Variants in PAPPA observed in about 807,000 individuals in gnomAD.
PAPPA encodes pappalysin 1.
PAPPA carries 60 observed loss-of-function variants against 164.0 expected under a neutral mutation model. That is an observed-to-expected ratio of 0.37 (90% confidence interval 0.30 to 0.45). The LOEUF is 0.45. Ranked by LOEUF, PAPPA falls within the 20% of genes least tolerant of loss-of-function variation. PAPPA has a pLI of 1.00. For synonymous variants in PAPPA, 875 were observed against 814.1 expected, an observed-to-expected ratio of 1.07 and a Z score of -1.27; for missense variants, 1,782 against 2,087.3, an observed-to-expected ratio of 0.85 and a Z score of 2.85.
intron 7 of PAPPA, among the ~76,000 whole-genome samples, chr9:116,243,707 AG>A (rs1018111799): frequency 3.6e-4 from 55 of 152,270 alleles, no homozygotes; most frequent in Admixed American, 3.1e-3. Context: ...CACCAAAGAG[AG>A]GAGAAAGCAA....
At chr9:116,183,460 G>T (rs1005551086) in intron 1 of PAPPA, among the ~76,000 whole-genome samples, 2 of 152,168 alleles carry the variant, frequency 1.3e-5, no homozygotes, top group Admixed American at 6.5e-5. Flanking sequence ...CCCAGGCAAG[G>T]TTACCTGACA....
chr9:116,165,522 G>T (rs563448503), intron 1 of PAPPA, among the ~76,000 whole-genome samples: 1 of 151,892 alleles, frequency 6.6e-6, no homozygotes, highest in African/African-American at 2.4e-5. Flanking sequence ...TTTATTTCTT[G>T]CTGTGACTAT....
chr9:116,219,002 A>G (rs941673432), intron 4 of PAPPA, among the ~76,000 whole-genome samples: 2 of 152,038 alleles, frequency 1.3e-5, no homozygotes, highest in African/African-American at 4.8e-5. Context: ...CATGCACACT[A>G]CCCTGGTTTG....
intron 13 of PAPPA, among the ~76,000 whole-genome samples, chr9:116,338,998 A>G (rs1478920704): frequency 1.3e-5 from 2 of 152,206 alleles, no homozygotes; most frequent in Non-Finnish European, 2.9e-5. Flanking sequence ...GGGAAATCTA[A>G]GTTCTAAGCA....
In PAPPA at chr9:116,271,480, T is replaced by C; in HGVS notation, c.2953+64T>C. The stretch of plus-strand genomic sequence containing the variant: ...TGAACGGTGCAGAATGGTTGGTCAA[T>C]GATAATGCCAACAATAGTTATGACT... On this transcript the variant is annotated intron_variant, in intron 9 of 21. Transcript: ENST00000328252. This position sits in a 1 kb window ranked among gnomAD's most constrained non-coding sequence, Gnocchi z 4.2. The C allele has an allele frequency of 1.8e-6, 2 of 1,106,304 alleles. No individual in the cohort carries two copies. The highest frequency in any genetic ancestry group is 3.4e-5 in the Admixed American group (2 of 58,998). The allele number at this position is 1,106,304 out of a possible 1,614,324, so 68.5% of individuals were successfully genotyped here.
chr9:116,168,922 T>C (rs1471243286), intron 1 of PAPPA, among the ~76,000 whole-genome samples: 6 of 152,214 alleles, frequency 3.9e-5, no homozygotes, highest in Admixed American at 1.3e-4. Context: ...TCTTCATCTT[T>C]GCATTATTCC....
rs371518653 is a variant in PAPPA, at chr9:116,331,312, C to A, written c.3216C>A (p.Ile1072=). 26 of 1,613,866 alleles carry A rather than the reference C, an allele frequency of 1.6e-5. No individual in the cohort carries two copies. The highest frequency in any genetic ancestry group is 2.2e-5 in the Non-Finnish European group (26 of 1,179,830). The change falls in exon 11 of 22, where the codon ATC becomes ATA. Residue 1072 remains isoleucine (I), a synonymous_variant. Transcript: ENST00000328252. ...ISQHAWYPCT[I]SYPYSQLAQT... Reference sequence around the variant, plus strand: ...AGCATGCCTGGTACCCTTGCACCATCAGCTACCCATATTCCCAGCTGGCTC... The same window carrying A: ...AGCATGCCTGGTACCCTTGCACCATAAGCTACCCATATTCCCAGCTGGCTC...
intron 10 of PAPPA, among the ~76,000 whole-genome samples, chr9:116,323,030 A>G (rs568706310): frequency 2.1e-4 from 32 of 152,140 alleles, no homozygotes; most frequent in Non-Finnish European, 4.0e-4. Context: ...TCGAAATTCA[A>G]TGGAAACCTC....
intron 6 of PAPPA, among the ~76,000 whole-genome samples, chr9:116,233,573 G>A (rs148994167): frequency 6.6e-6 from 1 of 152,310 alleles, no homozygotes; most frequent in Non-Finnish European, 1.5e-5. Context: ...TTTTCTTGCT[G>A]TGATGCATTA....
At chr9:116,243,468 G>T (rs1177328760) in intron 7 of PAPPA, among the ~76,000 whole-genome samples, 1 of 152,076 alleles carries the variant, frequency 6.6e-6, no homozygotes, top group Non-Finnish European at 1.5e-5. Context: ...CTTCTTAGAT[G>T]GAGAAGCTCA....
intron 21 of PAPPA, among the ~76,000 whole-genome samples, chr9:116,391,429 C>A (rs74363364): frequency 1.3e-5 from 2 of 152,168 alleles, no homozygotes; most frequent in African/African-American, 2.4e-5. Context: ...ACCATCAGCA[C>A]AACATGACTG....
At chr9:116,323,567 G>C (rs567415989) in intron 10 of PAPPA, among the ~76,000 whole-genome samples, 1 of 151,754 alleles carries the variant, frequency 6.6e-6, no homozygotes, top group South Asian at 2.1e-4. Flanking sequence ...GAGAGAGAGA[G>C]AGAAAAAAAA....
intron 3 of PAPPA, 62 bp from the exon 4 acceptor site, chr9:116,211,577 G>A (rs1376826377): frequency 1.4e-6 from 2 of 1,445,288 alleles, no homozygotes; most frequent in African/African-American, 2.8e-5. Flanking sequence ...ATGGACTTGG[G>A]GGTTCTTGCA....
chr9:116,277,352 G>A (rs1845211644), intron 9 of PAPPA, among the ~76,000 whole-genome samples: 1 of 152,172 alleles, frequency 6.6e-6, no homozygotes, highest in East Asian at 1.9e-4. Context: ...ATAGGTGGGG[G>A]TCATGGTGGT....
At chr9:116,260,113 A>G (rs1844983529) in intron 7 of PAPPA, among the ~76,000 whole-genome samples, 1 of 152,210 alleles carries the variant, frequency 6.6e-6, no homozygotes, top group East Asian at 1.9e-4. Flanking sequence ...TAAAATATGT[A>G]AAACAATACA....
intron 18 of PAPPA, among the ~76,000 whole-genome samples, chr9:116,363,385 G>A (rs764426143): frequency 2.0e-4 from 31 of 152,156 alleles, no homozygotes; most frequent in Middle Eastern, 3.2e-3. Flanking sequence ...TCCAAGATGA[G>A]CATAAACTGC....
chr9:116,381,911 G>C (rs1588028946), intron 20 of PAPPA, among the ~76,000 whole-genome samples: 1 of 152,196 alleles, frequency 6.6e-6, no homozygotes, highest in Non-Finnish European at 1.5e-5. Flanking sequence ...AAATTCCTAT[G>C]AGTTCTTACA....
Position 116,347,312 on chromosome 9 carries a change from G to A in PAPPA, c.3964+103G>A. 1 of 976,062 alleles carries A rather than the reference G, an allele frequency of 1.0e-6. No individual in the cohort carries two copies. Among genetic ancestry groups the A allele is most frequent in the South Asian group, 1.7e-5 (1 of 57,610 alleles). 60.5% of individuals were successfully genotyped at this position (976,062 alleles called of 1,614,324 possible). A position where few individuals can be genotyped will look rare whatever the true frequency, so the allele number is the denominator to read the frequency against. ...GGGTCTCAAACACCAAGGGTGGGAT[G>A]GGTTTTATCTATGCTCCTGACTTCT... On this transcript the variant is annotated intron_variant, in intron 15 of 21. Coordinates refer to ENST00000328252, the MANE Select transcript of PAPPA (RefSeq NM_002581.5). This position sits in a 1 kb window ranked among gnomAD's most constrained non-coding sequence, Gnocchi z 4.5.
intron 9 of PAPPA, among the ~76,000 whole-genome samples, chr9:116,272,564 C>T (rs1587981439): frequency 6.6e-6 from 1 of 152,182 alleles, no homozygotes; most frequent in African/African-American, 2.4e-5. Context: ...TTGTTGAGCA[C>T]CTACTATCTT....
Sources: gnomAD v4.1 joint callset for allele counts (sites outside exome capture counted in the v4.1 genomes callset) on GRCh38, gnomAD v4.1.1 for gene constraint, Gnocchi (gnomAD v3.1) non-coding constraint, MANE v1.5 for transcripts, NCBI Gene and HGNC (gene_info 2026-07-23, HGNC 2026-07-21) for gene names.